Variants in STS observed in about 807,000 individuals in gnomAD.
STS encodes the protein steroid sulfatase.
Under a neutral mutation model 26.8 loss-of-function variants are expected in STS, and 7 were observed. That is an observed-to-expected ratio of 0.26 (90% CI 0.15 to 0.49). The LOEUF (loss-of-function observed/expected upper bound fraction) is 0.49. Ranked by LOEUF, STS falls within the 20% of genes least tolerant of loss-of-function variation. The probability of loss-of-function intolerance (pLI) is 0.98; values close to 1 mark genes in which losing one functional copy is unlikely to be tolerated. For missense variants in STS, 434 were observed against 465.6 expected (o/e 0.93, Z 0.63); for synonymous variants, 199 against 189.4 (o/e 1.05, Z -0.42).
chrX:7,245,752 G>A (rs898115967), intron 2 of STS, among the ~76,000 whole-genome samples: 2 of 111,930 alleles, frequency 1.8e-5, no homozygotes, highest in African/African-American at 6.5e-5. Flanking sequence ...AAGAAAAGGG[G>A]AACTTCCTCC....
intron 6 of STS, among the ~76,000 whole-genome samples, chrX:7,266,224 G>T (rs752140025): frequency 3.6e-5 from 4 of 111,670 alleles, no homozygotes; most frequent in African/African-American, 6.5e-5. Flanking sequence ...TCTGTCAAAG[G>T]TGGTGAGGAA....
chrX:7,293,490 A>G (rs1925515292), intron 7 of STS, among the ~76,000 whole-genome samples: 1 of 111,847 alleles, frequency 8.9e-6, no homozygotes, highest in African/African-American at 3.2e-5. Context: ...GATATTCCCC[A>G]TATGTGCTGT....
At chrX:7,336,368 T>C (rs994256047) in intron 10 of STS, among the ~76,000 whole-genome samples, 3 of 110,658 alleles carry the variant, frequency 2.7e-5, no homozygotes, top group African/African-American at 9.9e-5. Flanking sequence ...CTAGCCAATT[T>C]ACCCAAGACT....
At chrX:7,216,646 G>A (rs765364315) in intron 2 of STS, among the ~76,000 whole-genome samples, 1 of 111,969 alleles carries the variant, frequency 8.9e-6, no homozygotes, top group East Asian at 2.8e-4. Context: ...GGAAGTGCCT[G>A]CTCACTCAGA....
rs1928742319 is a variant in STS, at chrX:7,350,321, G to A, written c.*60G>A. The stretch of plus-strand genomic sequence containing the variant: ...AGCTCACCATCTTCACTACAAACAC[G>A]CCTGAGAGTGGCACTGGGGAAACAT... On this transcript the variant is annotated 3_prime_UTR_variant, in exon 11 of 11. Coordinates refer to ENST00000674429, the MANE Select transcript of STS (RefSeq NM_001320752.2). 1.8e-5 allele frequency: 21 copies of A among 1,156,418 alleles called. No homozygotes were observed. The highest frequency in any genetic ancestry group is 4.9e-5 in the Admixed American group (2 of 40,852).
At chrX:7,221,900 T>C (rs1217219470) in intron 2 of STS, among the ~76,000 whole-genome samples, 4 of 111,665 alleles carry the variant, frequency 3.6e-5, no homozygotes, top group Non-Finnish European at 5.6e-5. Context: ...TGCTTCTGAC[T>C]CCCCAAAATT....
chrX:7,274,747 G>A (rs1272527689), intron 6 of STS, among the ~76,000 whole-genome samples: 5 of 112,177 alleles, frequency 4.5e-5, no homozygotes, highest in African/African-American at 1.6e-4. Flanking sequence ...GAATATGTTT[G>A]CATTATCATT....
Position 7,227,363 on chromosome X carries a change from C to T in STS, c.-4-25833C>T, listed in dbSNP as rs113624071. On this transcript the variant is annotated intron_variant, in intron 2 of 10. Coordinates refer to ENST00000674429, the MANE Select transcript of STS (RefSeq NM_001320752.2). The stretch of plus-strand genomic sequence containing the variant: ...GATAAATTAGAAGCATCTAAAAAAA[C>T]CAATCATTCCCCAAAAAGTAAATTA... 3.8e-3 allele frequency among the ~76,000 whole-genome samples: 424 copies of T among 111,043 alleles called. 2 individuals are homozygous for T. The highest frequency in any genetic ancestry group is 0.013 in the African/African-American group (410 of 30,631).
chrX:7,243,383 C>T (rs1345567550), intron 2 of STS, among the ~76,000 whole-genome samples: 1 of 111,890 alleles, frequency 8.9e-6, no homozygotes, highest in Non-Finnish European at 1.9e-5. Context: ...AACCTTTTAT[C>T]GCTAGTATCC....
chrX:7,278,158 G>A (rs938295455), intron 7 of STS, among the ~76,000 whole-genome samples: 4 of 111,714 alleles, frequency 3.6e-5, no homozygotes, highest in Non-Finnish European at 5.6e-5. Context: ...TGTTTTTGGC[G>A]GAAAGATAAA....
At chrX:7,299,963 T>A (rs1925885427) in intron 7 of STS, among the ~76,000 whole-genome samples, 1 of 111,791 alleles carries the variant, frequency 8.9e-6, no homozygotes, top group Non-Finnish European at 1.9e-5. Context: ...TTGAAACCCT[T>A]CTCTCTCTGC....
At chrX:7,340,951 C>G (rs1459885499) in intron 10 of STS, among the ~76,000 whole-genome samples, 1 of 111,947 alleles carries the variant, frequency 8.9e-6, no homozygotes, top group East Asian at 2.8e-4. Flanking sequence ...AGTTGGTCAC[C>G]TGTTCACACC....
intron 2 of STS, among the ~76,000 whole-genome samples, chrX:7,247,702 A>C (rs1325800316): frequency 8.9e-6 from 1 of 111,848 alleles, no homozygotes; most frequent in African/African-American, 3.3e-5. Flanking sequence ...TGGCTGGTAG[A>C]GTCTGGAGAC....
intron 2 of STS, among the ~76,000 whole-genome samples, chrX:7,232,229 G>A (rs1263996058): frequency 8.9e-6 from 1 of 112,151 alleles, no homozygotes; most frequent in African/African-American, 3.2e-5. Flanking sequence ...AGCTCTGGGG[G>A]AAATGGAGTC....
At chrX:7,207,559 A>G (rs1323095351) in intron 2 of STS, among the ~76,000 whole-genome samples, 5 of 111,913 alleles carry the variant, frequency 4.5e-5, no homozygotes, top group African/African-American at 1.6e-4. Context: ...TGATGTCATA[A>G]AAGGGTCTTT....
chrX:7,266,270 CT>C (rs1451834610), intron 6 of STS, among the ~76,000 whole-genome samples: 2 of 111,904 alleles, frequency 1.8e-5, no homozygotes, highest in African/African-American at 6.5e-5. Context: ...AATTTATAGC[CT>C]TTCTCTACAC....
chrX:7,257,699 A>G, intron 5 of STS, 111 bp downstream of exon 5: 1 of 1,023,906 alleles, frequency 9.8e-7, no homozygotes, highest in Non-Finnish European at 1.4e-6. Flanking sequence ...TATCTTAGGG[A>G]TGACTTTGCT....
At chrX:7,310,285 T>G (rs145004015) in intron 8 of STS, among the ~76,000 whole-genome samples, 12 of 112,298 alleles carry the variant, frequency 1.1e-4, no homozygotes, top group African/African-American at 3.9e-4. Context: ...CATTGCTTCT[T>G]TGGGACCTTA....
At chrX:7,180,609 A>T (rs1933661841) in intron 1 of STS, among the ~76,000 whole-genome samples, 2 of 111,874 alleles carry the variant, frequency 1.8e-5, no homozygotes, top group East Asian at 5.6e-4. Flanking sequence ...CTTGACTCTC[A>T]CATTCTCCAA....
Sources: allele counts gnomAD v4.1 joint callset (sites outside exome capture counted in the v4.1 genomes callset), GRCh38; gene constraint gnomAD v4.1.1; transcripts MANE v1.5; gene names NCBI Gene and HGNC (gene_info 2026-07-23, HGNC 2026-07-21).